Variants in DGKH observed in about 807,000 individuals in gnomAD.
DGKH encodes the protein diacylglycerol kinase eta, also known as DAG kinase eta.
A neutral mutation model predicts 159.3 loss-of-function variants in DGKH; 90 were observed. The ratio of observed to expected loss-of-function variants is 0.57; its 90% CI spans 0.48 to 0.67. The LOEUF (loss-of-function observed/expected upper bound fraction) is 0.67, where lower values mean the gene tolerates loss of function less well. Ranked by LOEUF, DGKH falls within the 30% of genes least tolerant of loss-of-function variation. The pLI, the probability that DGKH is intolerant of heterozygous loss-of-function variation, is 0.00. For synonymous variants in DGKH, 536 were observed against 553.8 expected (o/e 0.97, Z 0.45); for missense variants, 1,181 against 1,506.1 (o/e 0.78, Z 3.57).
intron 11 of DGKH, among the ~76,000 whole-genome samples, chr13:42,173,691 A>AT (rs1332259781): frequency 6.6e-6 from 1 of 152,210 alleles, no homozygotes; most frequent in African/African-American, 2.4e-5. Context: ...AATGAGCATT[A>AT]TTTTTTAAAT....
chr13:42,153,094 C>T (rs576321916), intron 3 of DGKH, among the ~76,000 whole-genome samples: 1 of 152,206 alleles, frequency 6.6e-6, no homozygotes, highest in South Asian at 2.1e-4. Context: ...TATGATCTTT[C>T]CTTGCTCATT....
chr13:42,163,830 G>C (rs1956251096), intron 7 of DGKH, among the ~76,000 whole-genome samples: 1 of 151,794 alleles, frequency 6.6e-6, no homozygotes, highest in African/African-American at 2.4e-5. Context: ...CACTCTGATG[G>C]TAGTTTCTTT....
At chr13:42,093,718 G>C (rs917275676) in intron 1 of DGKH, among the ~76,000 whole-genome samples, 1 of 152,192 alleles carries the variant, frequency 6.6e-6, no homozygotes, top group Admixed American at 6.5e-5. Context: ...CAGCATGGAT[G>C]AACCTTGAAG....
At chr13:42,095,865 A>C (rs541556353) in intron 1 of DGKH, among the ~76,000 whole-genome samples, 1 of 152,302 alleles carries the variant, frequency 6.6e-6, no homozygotes, top group South Asian at 2.1e-4. Context: ...TGGTTTAAAA[A>C]CTTTACATTT....
intron 13 of DGKH, among the ~76,000 whole-genome samples, chr13:42,178,884 G>A (rs1184597122): frequency 1.3e-5 from 2 of 152,172 alleles, no homozygotes. Flanking sequence ...TCAAATTCTG[G>A]CTTAGCAAGC....
chr13:42,156,576 T>C (rs1956053156), intron 5 of DGKH, among the ~76,000 whole-genome samples: 1 of 152,174 alleles, frequency 6.6e-6, no homozygotes, highest in African/African-American at 2.4e-5. Flanking sequence ...CATTAATAAT[T>C]GCCAACAGAA....
chr13:42,198,649 T>C, intron 18 of DGKH, 54 bp downstream of exon 18: 1 of 1,437,472 alleles, frequency 7.0e-7, no homozygotes, highest in Non-Finnish European at 9.6e-7. Flanking sequence ...TTTTTTTTTT[T>C]TTTCAACATG....
At chr13:42,198,060 A>G (rs1429743567) in intron 17 of DGKH, among the ~76,000 whole-genome samples, 1 of 152,210 alleles carries the variant, frequency 6.6e-6, no homozygotes, top group African/African-American at 2.4e-5. Flanking sequence ...ATTAAGTATC[A>G]TTATCTATGA....
intron 3 of DGKH, among the ~76,000 whole-genome samples, chr13:42,133,782 G>A (rs909082270): frequency 3.3e-5 from 5 of 152,136 alleles, no homozygotes; most frequent in Non-Finnish European, 7.4e-5. Flanking sequence ...GATTGCTTAG[G>A]GTTTTAGAGC....
chr13:42,111,169 CAGT>C (rs1954856522), intron 1 of DGKH, among the ~76,000 whole-genome samples: 1 of 123,966 alleles, frequency 8.1e-6, no homozygotes, highest in African/African-American at 2.9e-5. Flanking sequence ...TCACAAAATA[CAGT>C]CTCAAGGAGG....
At chr13:42,208,273 G>A (rs898890528) in intron 21 of DGKH, among the ~76,000 whole-genome samples, 1 of 152,034 alleles carries the variant, frequency 6.6e-6, no homozygotes, top group African/African-American at 2.4e-5. Flanking sequence ...TATTATTTAT[G>A]ATATAGTAAA....
At chr13:42,141,471 A>G (rs954340924) in intron 3 of DGKH, among the ~76,000 whole-genome samples, 3 of 152,162 alleles carry the variant, frequency 2.0e-5, no homozygotes, top group Non-Finnish European at 4.4e-5. Flanking sequence ...CTGAGGAATC[A>G]CCACACTGAC....
At chr13:42,163,265 T>C (rs1341905773) in intron 7 of DGKH, among the ~76,000 whole-genome samples, 3 of 152,206 alleles carry the variant, frequency 2.0e-5, no homozygotes, top group East Asian at 3.9e-4. Context: ...TCTATCATTG[T>C]TGGACATTTG....
chr13:42,207,026 T>C (rs1566191743), intron 21 of DGKH, among the ~76,000 whole-genome samples: 2 of 23,426 alleles, frequency 8.5e-5, no homozygotes, highest in Non-Finnish European at 9.1e-5. Context: ...TTTCTTTCTT[T>C]TTCTTTCTTT....
rs922365530 is a variant in DGKH, at chr13:42,197,267, A to AAAAAAAAAAAAG, written c.2168-1208_2168-1207insAAAAAAAAGAAA. Among the ~76,000 whole-genome samples the AAAAAAAAAAAAG allele has an allele frequency of 1.3e-4, 17 of 135,396 alleles. No homozygotes were observed. The East Asian group carries it at 1.4e-3, about 11-fold the overall frequency. The allele number at this position is 135,396 out of a possible 152,430, so 88.8% of individuals were successfully genotyped here. ...TCTATCTCAACAAAAAAAAAAAAAA[A>AAAAAAAAAAAAG]AAAGAAAGAAAATATTAACACTTCC... On this transcript the variant is annotated intron_variant, in intron 17 of 29. Transcript: ENST00000337343.
chr13:42,208,967 T>C lies in DGKH; in HGVS notation c.2610T>C (p.Ala870=), dbSNP rs1957572165. The C allele has an allele frequency of 1.2e-6, 2 of 1,610,906 alleles. No homozygotes were observed. Among genetic ancestry groups the C allele is most frequent in the Non-Finnish European group, 1.7e-6 (2 of 1,178,512 alleles). The change falls in exon 22 of 30, where the codon GCT becomes GCC. Residue 870 remains alanine (A), a synonymous_variant. Transcript: ENST00000337343. ...TGTAGTTTTTCTTTCAGATATTTGCTGCACCATCCTTTGATGACAAGATCC... is the reference window on the plus strand; with the variant it reads ...TGTAGTTTTTCTTTCAGATATTTGCCGCACCATCCTTTGATGACAAGATCC... The part of the protein sequence containing the change: ...WGGTKEDDIF[A]APSFDDKILE...
At chr13:42,129,415 A>T (rs1424543585) in intron 2 of DGKH, 137 bp from the exon 3 acceptor site, 1 of 667,008 alleles carries the variant, frequency 1.5e-6, no homozygotes, top group Non-Finnish European at 2.5e-6. Context: ...CTTTCTAGGA[A>T]GAAATTGCAG....
At chr13:42,212,950 G>A (rs907171142) in intron 24 of DGKH, among the ~76,000 whole-genome samples, 6 of 152,186 alleles carry the variant, frequency 3.9e-5, no homozygotes, top group Admixed American at 6.5e-5. Context: ...ACCAGCTTAG[G>A]AAGAGGCCCA....
intron 8 of DGKH, 30 bp from the exon 9 acceptor site, chr13:42,166,485 T>C (rs776119488): frequency 6.8e-7 from 1 of 1,466,266 alleles, no homozygotes; most frequent in Non-Finnish European, 9.1e-7. Flanking sequence ...AAGCTGTATG[T>C]ATTGATCTTG....
Sources: allele counts gnomAD v4.1 joint callset (sites outside exome capture counted in the v4.1 genomes callset), GRCh38; gene constraint gnomAD v4.1.1; transcripts MANE v1.5; gene names NCBI Gene and HGNC (gene_info 2026-07-23, HGNC 2026-07-21).